The following MPC2 variants were observed in gnomAD, a reference collection of about 807,000 sequenced individuals.
The protein encoded by MPC2 is mitochondrial pyruvate carrier 2.
A neutral mutation model predicts 19.2 loss-of-function variants in MPC2; 19 were observed. That is an observed-to-expected ratio of 0.99 (90% CI 0.69 to 1.45). MPC2 has a LOEUF of 1.45. MPC2 is among the 40% of genes most tolerant of loss of function. The pLI is 0.00. For missense variants in MPC2, 122 were observed against 153.0 expected, an observed-to-expected ratio of 0.80 and a Z score of 1.07; for synonymous variants, 61 against 54.3, an observed-to-expected ratio of 1.12 and a Z score of -0.54.
At chr1:167,921,497 C>T (rs751154582) in intron 3 of MPC2, among the ~76,000 whole-genome samples, 25 of 152,198 alleles carry the variant, frequency 1.6e-4, no homozygotes, top group Non-Finnish European at 2.8e-4. Context: ...GCTGGGATTA[C>T]AGGTGTGAGC....
intron 2 of MPC2, among the ~76,000 whole-genome samples, chr1:167,934,013 C>T (rs1670988568): frequency 6.6e-6 from 1 of 152,200 alleles, no homozygotes; most frequent in Admixed American, 6.5e-5. Flanking sequence ...GTCAAGGTCA[C>T]ACAGCCAAGA....
chr1:167,921,294 C>T (rs1670594996), intron 3 of MPC2, among the ~76,000 whole-genome samples: 1 of 151,802 alleles, frequency 6.6e-6, no homozygotes, highest in South Asian at 2.1e-4. Context: ...GCGATCTAGG[C>T]TCACTGCAAC....
Position 167,925,478 on chromosome 1 carries a change from T to TATATATATAC in MPC2, c.110-942_110-941insGTATATATAT, listed in dbSNP as rs1298972592. On this transcript the variant is annotated intron_variant, in intron 2 of 5. Coordinates refer to ENST00000271373, the MANE Select transcript of MPC2 (RefSeq NM_001143674.4). Reference sequence around the variant, plus strand: ...ATATATATATATATATATATATACATATACATATACACACACATATATATA... The same window carrying TATATATATAC: ...ATATATATATATATATATATATACATATATATATACATACATATACACACACATATATATA... 2.9e-3 allele frequency among the ~76,000 whole-genome samples: 357 copies of TATATATATAC among 122,470 alleles called. 3 individuals carry two copies. Among genetic ancestry groups the TATATATATAC allele is most frequent in the Middle Eastern group, 4.3e-3 (1 of 234 alleles). 80.3% of individuals were successfully genotyped at this position (122,470 alleles called of 152,430 possible).
intron 1 of MPC2, 44 bp from the exon 2 acceptor site, chr1:167,935,942 T>G: frequency 1.1e-6 from 1 of 895,950 alleles, no homozygotes; most frequent in Non-Finnish European, 1.8e-6. Context: ...CCACGACGAC[T>G]CGCGTCCGCC....
At position 167,918,598 on chromosome 1, in the gene MPC2, T is replaced by TTTA. The variant is rs1321186091; in HGVS notation, c.348-240_348-239insTAA. The stretch of plus-strand genomic sequence containing the variant: ...TAAGAGCACAACTGCCAAAAACTTT[T>TTTA]TTTTTTTTTTTTTGAGATGGAGTCT... On this transcript the variant is annotated intron_variant, in intron 5 of 5. Transcript: ENST00000271373. Among the ~76,000 whole-genome samples, 18 of 150,906 alleles carry TTTA rather than the reference T, an allele frequency of 1.2e-4. No homozygotes were observed. The East Asian group carries it at 1.9e-3, about 16-fold the overall frequency.
chr1:167,935,689 G>A (rs898935354), intron 2 of MPC2, 44 bp downstream of exon 2: 9 of 1,495,490 alleles, frequency 6.0e-6, no homozygotes, highest in African/African-American at 1.4e-5. Context: ...TTTAGAGGAA[G>A]CGAGAAGGAA....
chr1:167,926,578 G>A (rs1476042727), intron 2 of MPC2, among the ~76,000 whole-genome samples: 4 of 152,188 alleles, frequency 2.6e-5, no homozygotes, highest in Non-Finnish European at 5.9e-5. Context: ...CCCCCCAGGG[G>A]CATTTTTAGT....
In MPC2 at chr1:167,937,043, C is replaced by T. The variant is rs1179973810; in HGVS notation, c.-162G>A. ...GGCCCCGGGGCGGAGGCGCTGAGGT[C>T]GCCGCCTAGAGTGGGGGAGGGGGCA... On this transcript the variant is annotated 5_prime_UTR_variant, in exon 1 of 6. Transcript: ENST00000271373. 1.9e-6 allele frequency: 3 copies of T among 1,565,310 alleles called. No individual in the cohort carries two copies. Among genetic ancestry groups the T allele is most frequent in the Admixed American group, 1.8e-5 (1 of 55,212 alleles).
intron 2 of MPC2, among the ~76,000 whole-genome samples, chr1:167,929,298 G>A (rs1328953361): frequency 6.6e-6 from 1 of 152,096 alleles, no homozygotes; most frequent in Non-Finnish European, 1.5e-5. Flanking sequence ...GGCAGAGGTT[G>A]CAGTGAGCCG....
chr1:167,923,281 T>C (rs1000621338), intron 3 of MPC2, among the ~76,000 whole-genome samples: 1 of 152,014 alleles, frequency 6.6e-6, no homozygotes, highest in African/African-American at 2.4e-5. Flanking sequence ...ACAGCAAAAA[T>C]GTGGAAGCAA....
intron 2 of MPC2, among the ~76,000 whole-genome samples, chr1:167,928,131 G>A (rs1670806216): frequency 2.0e-5 from 3 of 152,022 alleles, no homozygotes; most frequent in Admixed American, 2.0e-4. Flanking sequence ...GGCGGATCAC[G>A]AGGTCAGAAG....
At position 167,916,891 on chromosome 1, in the gene MPC2, C is replaced by T. The variant is rs1268545141; in HGVS notation, c.*1432G>A. 1.3e-5 allele frequency: 2 copies of T among 152,228 alleles called. No individual in the cohort carries two copies. The highest frequency in any genetic ancestry group is 4.8e-5 in the African/African-American group (2 of 41,450). The allele number at this position is 152,228 out of a possible 1,614,324, so 9.4% of individuals were successfully genotyped here. Reference sequence around the variant, plus strand: ...TGAAAGCAATAATAGTTTGACTCTTCAGAACCTCTTCATTGTGGCCTATGT... The same window carrying T: ...TGAAAGCAATAATAGTTTGACTCTTTAGAACCTCTTCATTGTGGCCTATGT... On this transcript the variant is annotated 3_prime_UTR_variant, in exon 6 of 6. Transcript: ENST00000271373.
intron 1 of MPC2, chr1:167,936,123 A>G (rs1307008831): frequency 4.1e-6 from 2 of 486,354 alleles, no homozygotes; most frequent in Admixed American, 3.4e-5. Context: ...GTGCCAAAAT[A>G]ATCACCTCAC....
chr1:167,934,611 T>A (rs916826997), intron 2 of MPC2, among the ~76,000 whole-genome samples: 2 of 152,218 alleles, frequency 1.3e-5, no homozygotes, highest in Non-Finnish European at 1.5e-5. Flanking sequence ...AAACTGGAAA[T>A]CAGATTTAGT....
intron 5 of MPC2, 58 bp from the exon 6 acceptor site, chr1:167,918,417 A>C: frequency 8.8e-7 from 1 of 1,138,522 alleles, no homozygotes; most frequent in East Asian, 2.4e-5. Flanking sequence ...ATTTATGGTA[A>C]GGAGAGAATG....
intron 2 of MPC2, among the ~76,000 whole-genome samples, chr1:167,933,165 A>G (rs1033243085): frequency 3.4e-5 from 5 of 148,526 alleles, no homozygotes; most frequent in African/African-American, 1.3e-4. Flanking sequence ...ATAAAAACAC[A>G]TTAGTTTTTT....
At chr1:167,936,307 C>T (rs1258521747) in intron 1 of MPC2, 1 of 193,420 alleles carries the variant, frequency 5.2e-6, no homozygotes, top group Non-Finnish European at 1.1e-5. Context: ...ACTGCCCTTT[C>T]ACTTTGATTA....
In MPC2 at chr1:167,922,977, G is replaced by A. The variant is rs142241100; in HGVS notation, c.150+1520C>T. Among the ~76,000 whole-genome samples the A allele has an allele frequency of 3.0e-3, 454 of 152,196 alleles. 2 individuals carry two copies. The highest frequency in any genetic ancestry group is 0.01 in the African/African-American group (435 of 41,554). On this transcript the variant is annotated intron_variant, in intron 3 of 5. Coordinates refer to ENST00000271373, the MANE Select transcript of MPC2 (RefSeq NM_001143674.4). ...TTCAGCATGACTAATCATTAGGGAA[G>A]TGCAAATAAAAACAAAGATATCTAA...
At chr1:167,927,480 C>T (rs1450073962) in intron 2 of MPC2, among the ~76,000 whole-genome samples, 2 of 152,186 alleles carry the variant, frequency 1.3e-5, no homozygotes, top group African/African-American at 4.8e-5. Context: ...TTCGCTTCAT[C>T]AATCAAGAGT....
Sources: gnomAD v4.1 joint callset for allele counts (sites outside exome capture counted in the v4.1 genomes callset) on GRCh38, gnomAD v4.1.1 for gene constraint, MANE v1.5 for transcripts, NCBI Gene and HGNC (gene_info 2026-07-23, HGNC 2026-07-21) for gene names.